The following SNTG1 variants were observed in gnomAD, a reference collection of about 807,000 sequenced individuals.
SNTG1 encodes gamma-1-syntrophin.
A neutral mutation model predicts 74.7 loss-of-function variants in SNTG1; 39 were observed. The observed-to-expected ratio is 0.52, with a 90% CI of 0.40 to 0.68. The LOEUF (loss-of-function observed/expected upper bound fraction) is 0.68. SNTG1 is among the 30% of genes least tolerant of loss of function. SNTG1 has a pLI of 0.00. For synonymous variants in SNTG1, 254 were observed against 217.1 expected, an observed-to-expected ratio of 1.17 and a Z score of -1.49; for missense variants, 685 against 609.5, an observed-to-expected ratio of 1.12 and a Z score of -1.30.
In SNTG1 at chr8:50,600,816, T is replaced by C. The variant is rs114736854; in HGVS notation, c.849+9899T>C. 6.0e-3 allele frequency among the ~76,000 whole-genome samples: 908 copies of C among 151,138 alleles called. 7 individuals are homozygous for C. Among genetic ancestry groups the C allele is most frequent in the African/African-American group, 0.021 (876 of 41,176 alleles). On this transcript the variant is annotated intron_variant, in intron 13 of 18. Coordinates refer to ENST00000642720, the MANE Select transcript of SNTG1 (RefSeq NM_018967.5). The stretch of plus-strand genomic sequence containing the variant: ...TATTTCTGCTCTGATCTTTATTCTA[T>C]TTTTTTTTCCTTCTACTAATATTGG...
intron 1 of SNTG1, among the ~76,000 whole-genome samples, chr8:49,969,385 ATCTTTTTT>A (rs1159777794): frequency 1.1e-4 from 13 of 116,628 alleles, no homozygotes; most frequent in Non-Finnish European, 1.5e-4. Context: ...AATTCATTTA[ATCTTTTTT>A]TTTTTTTTTT....
intron 2 of SNTG1, among the ~76,000 whole-genome samples, chr8:50,393,198 A>T (rs1287985541): frequency 1.3e-5 from 2 of 152,288 alleles, no homozygotes; most frequent in Middle Eastern, 3.4e-3. Flanking sequence ...GTTACTACTG[A>T]TGATGGCTAA....
At chr8:50,743,209 T>C (rs893556273) in intron 17 of SNTG1, among the ~76,000 whole-genome samples, 2 of 150,742 alleles carry the variant, frequency 1.3e-5, no homozygotes, top group Admixed American at 6.6e-5. Context: ...GAAAAGAAAA[T>C]AGTAGCTCAA....
At chr8:50,466,164 T>G (rs1166196583) in intron 8 of SNTG1, among the ~76,000 whole-genome samples, 1 of 152,122 alleles carries the variant, frequency 6.6e-6, no homozygotes, top group East Asian at 1.9e-4. Flanking sequence ...TCTTTTAGAA[T>G]TTTATAGTAT....
intron 2 of SNTG1, among the ~76,000 whole-genome samples, chr8:50,225,439 T>G (rs2085280821): frequency 6.6e-6 from 1 of 152,160 alleles, no homozygotes; most frequent in Admixed American, 6.6e-5. Context: ...TGAATTCACC[T>G]ATGACCTGGA....
intron 1 of SNTG1, among the ~76,000 whole-genome samples, chr8:49,945,735 CA>C (rs1408098526): frequency 6.6e-6 from 1 of 152,136 alleles, no homozygotes; most frequent in African/African-American, 2.4e-5. Flanking sequence ...AGCACACAGG[CA>C]CTGAAGGCCT....
At chr8:50,107,817 C>T (rs1586306498) in intron 1 of SNTG1, among the ~76,000 whole-genome samples, 1 of 152,202 alleles carries the variant, frequency 6.6e-6, no homozygotes, top group African/African-American at 2.4e-5. Context: ...GCCCAAAGTG[C>T]TGGGATTACA....
intron 2 of SNTG1, among the ~76,000 whole-genome samples, chr8:50,273,571 G>C (rs2169183): frequency 0.051 from 7,811 of 152,252 alleles, 452 homozygotes; most frequent in South Asian, 0.17. Context: ...AAGTTGTTCG[G>C]TGTCATGGGT....
chr8:50,256,788 G>A (rs1053811753), intron 2 of SNTG1, among the ~76,000 whole-genome samples: 11 of 4,898 alleles, frequency 2.2e-3, no homozygotes, highest in East Asian at 0.33. Context: ...GTGTGTGCGT[G>A]TGTGTGTGTG....
intron 4 of SNTG1, among the ~76,000 whole-genome samples, chr8:50,421,648 A>C (rs1196158075): frequency 6.6e-6 from 1 of 151,990 alleles, no homozygotes; most frequent in East Asian, 1.9e-4. Context: ...ACCCTTTTTC[A>C]AGATTGAGTT....
At chr8:50,467,296 G>A (rs901489834) in intron 8 of SNTG1, among the ~76,000 whole-genome samples, 2 of 151,730 alleles carry the variant, frequency 1.3e-5, no homozygotes, top group African/African-American at 2.4e-5. Context: ...TCTAGATTTC[G>A]TGCTTTCTTT....
intron 1 of SNTG1, among the ~76,000 whole-genome samples, chr8:49,987,490 G>C (rs1177144487): frequency 6.6e-6 from 1 of 151,928 alleles, no homozygotes; most frequent in Non-Finnish European, 1.5e-5. Flanking sequence ...TTGAAATAGG[G>C]CCCAAATTTA....
rs1215122091 is a variant in SNTG1 at position 50,486,957 on chromosome 8, T to G, written c.364-15821T>G. ...TGTTTATATGCTGGATTACATTTATTGATTTGCATATATTGAACCAGCCTT... is the reference window on the plus strand; with the variant it reads ...TGTTTATATGCTGGATTACATTTATGGATTTGCATATATTGAACCAGCCTT... On this transcript the variant is annotated intron_variant, in intron 8 of 18. Transcript: ENST00000642720. Among the ~76,000 whole-genome samples, 3 of 152,220 alleles carry G rather than the reference T, an allele frequency of 2.0e-5. No individual in the cohort carries two copies. The East Asian group carries it at 5.8e-4, about 29-fold the overall frequency.
chr8:50,486,367 C>A (rs893196769), intron 8 of SNTG1, among the ~76,000 whole-genome samples: 1 of 144,696 alleles, frequency 6.9e-6, no homozygotes, highest in Non-Finnish European at 1.5e-5. Flanking sequence ...TCCTTCACAT[C>A]CCTTCTAAGT....
chr8:50,321,461 T>C (rs58119862), intron 2 of SNTG1, among the ~76,000 whole-genome samples: 7,329 of 152,224 alleles, frequency 0.048, 398 homozygotes, highest in South Asian at 0.16. Context: ...CAACAGATTA[T>C]TGGGTCTTCC....
chr8:50,380,704 A>G (rs2092465371), intron 2 of SNTG1, among the ~76,000 whole-genome samples: 1 of 152,198 alleles, frequency 6.6e-6, no homozygotes, highest in Non-Finnish European at 1.5e-5. Context: ...TATGTTTTAT[A>G]TTCAGCATGC....
chr8:50,474,593 A>T (rs2093680618), intron 8 of SNTG1, among the ~76,000 whole-genome samples: 1 of 152,094 alleles, frequency 6.6e-6, no homozygotes, highest in Admixed American at 6.5e-5. Flanking sequence ...GCTGGAGAGG[A>T]TGTGGAGAAA....
intron 2 of SNTG1, among the ~76,000 whole-genome samples, chr8:50,201,808 A>G (rs2083997139): frequency 6.6e-6 from 1 of 152,148 alleles, no homozygotes; most frequent in African/African-American, 2.4e-5. Flanking sequence ...CTAAACATGA[A>G]TTGATACCAA....
intron 15 of SNTG1, among the ~76,000 whole-genome samples, chr8:50,698,842 T>C (rs535161164): frequency 1.2e-3 from 190 of 152,154 alleles, no homozygotes; most frequent in Admixed American, 5.2e-3. Context: ...AATTATATGA[T>C]TCTATAGTGG....
Sources: allele counts gnomAD v4.1 joint callset (sites outside exome capture counted in the v4.1 genomes callset), GRCh38; gene constraint gnomAD v4.1.1; transcripts MANE v1.5; gene names NCBI Gene and HGNC (gene_info 2026-07-23, HGNC 2026-07-21).